RPF2: variants seen among roughly 807,000 people sequenced by gnomAD.
RPF2 encodes brix domain containing 1.
RPF2 carries 21 observed loss-of-function variants against 38.9 expected under a neutral mutation model. The observed-to-expected ratio is 0.54, with a 90% confidence interval of 0.38 to 0.78. The LOEUF (loss-of-function observed/expected upper bound fraction) is 0.78, where lower values mean the gene tolerates loss of function less well. Among genes scored for constraint, RPF2 ranks in the 30% least tolerant of loss-of-function variants. RPF2 has a pLI of 0.00. For missense variants in RPF2, 314 were observed against 358.1 expected, an observed-to-expected ratio of 0.88 and a Z score of 0.99; for synonymous variants, 121 against 126.2, an observed-to-expected ratio of 0.96 and a Z score of 0.28.
intron 9 of RPF2, among the ~76,000 whole-genome samples, chr6:111,024,586 G>T (rs565532053): frequency 6.6e-6 from 1 of 151,888 alleles, no homozygotes; most frequent in East Asian, 1.9e-4. Flanking sequence ...GGTAGCGGGC[G>T]CCTGTAGTCC....
intron 4 of RPF2, among the ~76,000 whole-genome samples, chr6:110,993,774 C>T (rs1173114364): frequency 1.3e-5 from 2 of 152,150 alleles, no homozygotes; most frequent in Admixed American, 6.5e-5. Flanking sequence ...CCCAGACCTA[C>T]GGAGCTCAAA....
chr6:110,987,051 A>G (rs754110449), intron 2 of RPF2, among the ~76,000 whole-genome samples: 4 of 151,882 alleles, frequency 2.6e-5, no homozygotes, highest in Non-Finnish European at 4.4e-5. Context: ...AATTAAATCA[A>G]TTAAGTAATC....
At chr6:111,018,683 T>C (rs946836702) in intron 8 of RPF2, among the ~76,000 whole-genome samples, 5 of 152,178 alleles carry the variant, frequency 3.3e-5, no homozygotes, top group African/African-American at 1.2e-4. Context: ...ACCGCTTCTG[T>C]TTTTCTGTTT....
chr6:110,999,885 A>G lies in RPF2; in HGVS notation c.393+98A>G, dbSNP rs756549117. On this transcript the variant is annotated intron_variant, in intron 6 of 9. Coordinates refer to ENST00000441448, the MANE Select transcript of RPF2 (RefSeq NM_032194.3). The stretch of plus-strand genomic sequence containing the variant: ...AGTACTGATAGAGTTTTGTAGATCA[A>G]GAACTTTGTGTTTTTATTTTGACAT... The G allele has an allele frequency of 4.6e-6, 3 of 654,306 alleles. No homozygotes were observed. The Admixed American group carries it at 7.4e-5, about 16-fold the overall frequency. The allele number at this position is 654,306 out of a possible 1,614,324, so 40.5% of individuals were successfully genotyped here.
intron 6 of RPF2, among the ~76,000 whole-genome samples, chr6:111,007,748 C>T (rs1361443594): frequency 6.6e-6 from 1 of 152,048 alleles, no homozygotes; most frequent in African/African-American, 2.4e-5. Context: ...AGTTTGAGAC[C>T]AGCCTAACCA....
intron 7 of RPF2, among the ~76,000 whole-genome samples, chr6:111,010,915 G>A (rs117547978): frequency 1.8e-4 from 28 of 151,984 alleles, no homozygotes; most frequent in African/African-American, 6.3e-4. Flanking sequence ...TTTATTTCCC[G>A]TATTAGTAAT....
rs371541826 is a variant in RPF2, at chr6:110,989,586, A to T, written c.194+521A>T. 9.6e-5 allele frequency among the ~76,000 whole-genome samples: 14 copies of T among 146,180 alleles called. No individual in the cohort carries two copies. In the South Asian group the frequency reaches 3.0e-3, roughly 32 times the overall value. On this transcript the variant is annotated intron_variant, in intron 3 of 9. Transcript: ENST00000441448. ...TGCCTTGGCCTCCCATGTAGCTAGG[A>T]TTATAGGCACGTGCCACCACGCCTG...
At chr6:110,999,338 A>T (rs1411343980) in intron 5 of RPF2, among the ~76,000 whole-genome samples, 1 of 152,150 alleles carries the variant, frequency 6.6e-6, no homozygotes, top group Non-Finnish European at 1.5e-5. Flanking sequence ...AAATGTATCG[A>T]CCCACATAAA....
chr6:110,989,038 A>G lies in RPF2; in HGVS notation c.167A>G (p.Lys56Arg), dbSNP rs144105079. 8 of 1,594,064 alleles carry G rather than the reference A, an allele frequency of 5.0e-6. No individual in the cohort carries two copies. The highest frequency in any genetic ancestry group is 6.0e-6 in the Non-Finnish European group (7 of 1,170,528). Residue 56 changes from lysine to arginine, a missense_variant, in exon 3 of 10, where the codon AAA becomes AGA. Physicochemically the swap from Lys to Arg is conservative, Grantham distance 26. Transcript: ENST00000441448. ...AATTTTGTTTTACAGTATGCACTGA[A>G]AAAACCATACGGTGTACTATATAAA... The part of the protein sequence containing the change: ...TKVLKDVYAL[K>R]KPYGVLYKKK...
At chr6:111,021,343 G>C (rs776116180) in intron 8 of RPF2, among the ~76,000 whole-genome samples, 9 of 152,176 alleles carry the variant, frequency 5.9e-5, no homozygotes, top group Non-Finnish European at 1.0e-4. Context: ...ATCACTAGAT[G>C]TTCCATATGT....
intron 6 of RPF2, among the ~76,000 whole-genome samples, chr6:111,001,772 G>C (rs907814256): frequency 5.8e-4 from 89 of 152,154 alleles, no homozygotes; most frequent in African/African-American, 1.6e-3. Context: ...AGGGAGCACT[G>C]GCTGATGAGC....
intron 6 of RPF2, among the ~76,000 whole-genome samples, chr6:111,002,773 CT>C (rs35740019): frequency 0.13 from 18,749 of 148,058 alleles, 1,523 homozygotes; most frequent in African/African-American, 0.24. Flanking sequence ...ATTAGGCAGT[CT>C]TTTTTTTTTT....
In RPF2 at chr6:111,024,283, G is replaced by A; in HGVS notation, c.697G>A (p.Asp233Asn). 1.9e-6 allele frequency: 3 copies of A among 1,612,210 alleles called. No individual in the cohort carries two copies. Among genetic ancestry groups the A allele is most frequent in the Non-Finnish European group, 2.5e-6 (3 of 1,179,890 alleles). Residue 233 changes from aspartate (D) to asparagine (N), a missense_variant, in exon 9 of 10, where the codon GAT (aspartate) becomes AAT (asparagine). Transcript: ENST00000441448. ...LVLRRTHLAS[D>N]DLYKLSMKMP... Reference sequence around the variant, plus strand: ...TCTGAGGAGGACACACCTGGCATCGGATGACCTTTATAAATTATCTATGAA... The same window carrying A: ...TCTGAGGAGGACACACCTGGCATCGAATGACCTTTATAAATTATCTATGAA...
chr6:110,993,756 A>C (rs1259849806), intron 4 of RPF2, among the ~76,000 whole-genome samples: 1 of 152,176 alleles, frequency 6.6e-6, no homozygotes, highest in Non-Finnish European at 1.5e-5. Flanking sequence ...TTTATTAGCT[A>C]TCTGAATCCC....
At chr6:111,024,090 A>T in intron 8 of RPF2, 93 bp from the exon 9 acceptor site, 2 of 1,066,040 alleles carry the variant, frequency 1.9e-6, no homozygotes, top group Non-Finnish European at 2.7e-6. Context: ...TATATCATTT[A>T]ATGGAATTGT....
At chr6:111,018,386 A>G (rs955728661) in intron 8 of RPF2, among the ~76,000 whole-genome samples, 3 of 152,190 alleles carry the variant, frequency 2.0e-5, no homozygotes, top group African/African-American at 7.2e-5. Flanking sequence ...TTTGCTGTAC[A>G]TTTTGAGCTA....
At position 111,026,817 on chromosome 6, in the gene RPF2, G is replaced by A. The variant is rs1191952433; in HGVS notation, c.*1235G>A. ...AGGAATCTCCTTTATACAAGTGCCA[G>A]TAATGTTGTAAAGGTACAGACATAC... On this transcript the variant is annotated 3_prime_UTR_variant, in exon 10 of 10. Coordinates refer to ENST00000441448, the MANE Select transcript of RPF2 (RefSeq NM_032194.3). The A allele has an allele frequency of 6.6e-6, 1 of 152,214 alleles. No individual in the cohort carries two copies. The highest frequency in any genetic ancestry group is 2.4e-5 in the African/African-American group (1 of 41,446). The allele number at this position is 152,214 out of a possible 1,614,324, so 9.4% of individuals were successfully genotyped here.
At chr6:110,997,418 T>A (rs1215615354) in intron 5 of RPF2, among the ~76,000 whole-genome samples, 154 bp downstream of exon 5, 5 of 152,016 alleles carry the variant, frequency 3.3e-5, no homozygotes, top group Non-Finnish European at 5.9e-5. Context: ...GAGGGAAGTA[T>A]TTGAACAGGA....
rs550670242 is a variant in RPF2, at chr6:111,021,987, A to G, written c.597-2196A>G. On this transcript the variant is annotated intron_variant, in intron 8 of 9. Coordinates refer to ENST00000441448, the MANE Select transcript of RPF2 (RefSeq NM_032194.3). ...TGAATAAATCATAGTGTTATTGACC[A>G]CTGTTCCTATACATCCTATAGTAAT... 3.2e-4 allele frequency among the ~76,000 whole-genome samples: 48 copies of G among 152,362 alleles called. 1 individual carries two copies. In the South Asian group the frequency reaches 9.9e-3, roughly 32 times the overall value.
Sources: gnomAD v4.1 joint callset for allele counts (sites outside exome capture counted in the v4.1 genomes callset) on GRCh38, gnomAD v4.1.1 for gene constraint, MANE v1.5 for transcripts, NCBI Gene and HGNC (gene_info 2026-07-23, HGNC 2026-07-21) for gene names.